Variants in GANC observed in about 807,000 individuals in gnomAD.
The protein encoded by GANC is neutral alpha-glucosidase C.
Under a neutral mutation model 124.2 loss-of-function variants are expected in GANC, and 117 were observed. The observed-to-expected ratio is 0.94, with a 90% CI of 0.81 to 1.10. The LOEUF is 1.10. Ranked by LOEUF, GANC falls within the 50% of genes least tolerant of loss-of-function variation. The pLI is 0.00. For synonymous variants in GANC, 377 were observed against 376.8 expected (o/e 1.00, Z -0.01); for missense variants, 1,140 against 1,095.0 (o/e 1.04, Z -0.58).
In GANC at chr15:42,329,944, A is replaced by T. The variant is rs147066965; in HGVS notation, c.1644+495A>T. 5.9e-5 allele frequency among the ~76,000 whole-genome samples: 9 copies of T among 152,374 alleles called. No homozygotes were observed. The East Asian group carries it at 1.7e-3, about 29-fold the overall frequency. On this transcript the variant is annotated intron_variant, in intron 14 of 23. Transcript: ENST00000318010. ...CTTCCTTAAGTACTTAGCTTCCTCA[A>T]TAAAGGTGGTAAAATTATCTTTCAT...
chr15:42,296,408 C>T (rs544918236), intron 5 of GANC, among the ~76,000 whole-genome samples: 17 of 152,132 alleles, frequency 1.1e-4, no homozygotes, highest in Non-Finnish European at 1.8e-4. Context: ...TGTTTTAAGA[C>T]GGAATTTCAC....
At chr15:42,323,269 T>C (rs1044945048) in intron 11 of GANC, among the ~76,000 whole-genome samples, 4 of 152,170 alleles carry the variant, frequency 2.6e-5, no homozygotes, top group African/African-American at 9.7e-5. Context: ...AGTTATTTAA[T>C]GAGGCCTTGA....
At chr15:42,339,570 A>G (rs2052313207) in intron 16 of GANC, 99 bp from the exon 17 acceptor site, 4 of 1,368,898 alleles carry the variant, frequency 2.9e-6, no homozygotes, top group Non-Finnish European at 4.0e-6. Context: ...AAGTGCATAT[A>G]CTGCACTTTT....
intron 19 of GANC, among the ~76,000 whole-genome samples, chr15:42,344,132 G>A (rs566467053): frequency 2.6e-5 from 4 of 152,204 alleles, no homozygotes; most frequent in Non-Finnish European, 5.9e-5. Context: ...AGCTTTACAT[G>A]TTTGGTTGTT....
intron 3 of GANC, chr15:42,280,966 A>C (rs773209462): frequency 2.7e-5 from 19 of 702,596 alleles, no homozygotes; most frequent in South Asian, 2.7e-4. Flanking sequence ...TTCAAAGGCA[A>C]AGAAACCACA....
chr15:42,274,581 A>T, intron 1 of GANC, 71 bp downstream of exon 1: 1 of 1,407,794 alleles, frequency 7.1e-7, no homozygotes, highest in Non-Finnish European at 9.7e-7. Context: ...TTTTAATTGC[A>T]TTTCTTATTT....
chr15:42,302,602 C>T (rs1471851734), intron 6 of GANC, among the ~76,000 whole-genome samples: 2 of 152,046 alleles, frequency 1.3e-5, no homozygotes, highest in East Asian at 3.9e-4. Flanking sequence ...AGCTAAGAAC[C>T]TTGAAAAAAG....
At chr15:42,296,332 T>A (rs1006118982) in intron 5 of GANC, among the ~76,000 whole-genome samples, 2 of 152,154 alleles carry the variant, frequency 1.3e-5, no homozygotes, top group Non-Finnish European at 2.9e-5. Context: ...AGGTAACCAG[T>A]TTACTAAATT....
chr15:42,332,831 T>C (rs1024584655), intron 15 of GANC, among the ~76,000 whole-genome samples: 1 of 138,866 alleles, frequency 7.2e-6, no homozygotes, highest in Non-Finnish European at 1.5e-5. Flanking sequence ...CTGATCAACA[T>C]GGTGAAACCC....
rs932483175 is a variant in GANC, at chr15:42,353,469, T to C, written c.*1330T>C. On this transcript the variant is annotated 3_prime_UTR_variant, in exon 24 of 24. Coordinates refer to ENST00000318010, the MANE Select transcript of GANC (RefSeq NM_198141.3). Reference sequence around the variant, plus strand: ...AATGCTGTCCCACTTATAACTGTGCTCTACTTAGCATTCTCAGGGATCATA... The same window carrying C: ...AATGCTGTCCCACTTATAACTGTGCCCTACTTAGCATTCTCAGGGATCATA... The C allele has an allele frequency of 2.2e-6, 2 of 928,654 alleles. No homozygotes were observed. Among genetic ancestry groups the C allele is most frequent in the African/African-American group, 3.6e-5 (2 of 55,662 alleles). The allele number at this position is 928,654 out of a possible 1,614,324, so 57.5% of individuals were successfully genotyped here.
In GANC at chr15:42,294,056, A is replaced by T. The variant is rs2051868340; in HGVS notation, c.512+1139A>T. Among the ~76,000 whole-genome samples, 2 of 151,570 alleles carry T rather than the reference A, an allele frequency of 1.3e-5. 1 individual carries two copies. Among genetic ancestry groups the T allele is most frequent in the African/African-American group, 4.9e-5 (2 of 40,854 alleles). The stretch of plus-strand genomic sequence containing the variant: ...ACAGAGCGAGATTCTGTCTCAAAAC[A>T]AACAAACAAAAAACGCTTTTTTTTC... On this transcript the variant is annotated intron_variant, in intron 5 of 23. Coordinates refer to ENST00000318010, the MANE Select transcript of GANC (RefSeq NM_198141.3).
chr15:42,335,247 C>T (rs761885555), intron 15 of GANC, among the ~76,000 whole-genome samples: 6 of 152,054 alleles, frequency 3.9e-5, no homozygotes, highest in Non-Finnish European at 5.9e-5. Context: ...TTCAGCAGCA[C>T]ATCAAAAAGC....
At chr15:42,326,525 C>T in intron 12 of GANC, 101 bp downstream of exon 12, 3 of 1,545,992 alleles carry the variant, frequency 1.9e-6, no homozygotes, top group Admixed American at 1.9e-5. Context: ...GTCTCTTGCT[C>T]CTCTAGCTAC....
At chr15:42,328,522 C>A (rs12441838) in intron 13 of GANC, among the ~76,000 whole-genome samples, 15,237 of 137,950 alleles carry the variant, frequency 0.11, 1,117 homozygotes, top group Admixed American at 0.2. Flanking sequence ...AAAAAAAAAA[C>A]AAGCCACCTC....
chr15:42,324,732 G>A (rs545998011), intron 11 of GANC, among the ~76,000 whole-genome samples: 2 of 152,328 alleles, frequency 1.3e-5, no homozygotes, highest in Middle Eastern at 3.4e-3. Context: ...CTAATTTGAA[G>A]TAATTGGAGT....
intron 22 of GANC, among the ~76,000 whole-genome samples, chr15:42,350,421 T>G (rs2052418211): frequency 6.6e-6 from 1 of 152,118 alleles, no homozygotes; most frequent in South Asian, 2.1e-4. Flanking sequence ...AATATCTGAT[T>G]TATTACAATT....
intron 4 of GANC, among the ~76,000 whole-genome samples, chr15:42,289,980 T>G (rs1479885441): frequency 6.6e-6 from 1 of 152,170 alleles, no homozygotes; most frequent in Non-Finnish European, 1.5e-5. Context: ...GCCCAGGAAA[T>G]AGGCCTCACA....
chr15:42,301,820 C>T (rs528396984), intron 6 of GANC, among the ~76,000 whole-genome samples: 2 of 152,320 alleles, frequency 1.3e-5, no homozygotes, highest in Admixed American at 1.3e-4. Flanking sequence ...CCTCCCTGGG[C>T]AGGGCATCTC....
At chr15:42,296,812 G>A (rs1200854528) in intron 5 of GANC, among the ~76,000 whole-genome samples, 3 of 145,042 alleles carry the variant, frequency 2.1e-5, no homozygotes, top group Non-Finnish European at 4.5e-5. Flanking sequence ...ATATTCTTTT[G>A]TAATGTATTT....
Sources: allele counts gnomAD v4.1 joint callset (sites outside exome capture counted in the v4.1 genomes callset), GRCh38; gene constraint gnomAD v4.1.1; transcripts MANE v1.5; gene names NCBI Gene and HGNC (gene_info 2026-07-23, HGNC 2026-07-21).